The following GPATCH2 variants were observed in gnomAD, a reference collection of about 807,000 sequenced individuals.
GPATCH2 encodes G-patch domain containing 2.
In GPATCH2, 51 loss-of-function variants were observed where a neutral mutation model predicts 58.0. That is an observed-to-expected ratio of 0.88 (90% CI 0.70 to 1.11). GPATCH2 has a LOEUF of 1.11. Ranked by LOEUF, GPATCH2 falls within the 50% of genes most tolerant of loss-of-function variation. GPATCH2 has a pLI of 0.00. For missense variants in GPATCH2, 625 were observed against 652.2 expected (o/e 0.96, Z 0.45); for synonymous variants, 222 against 218.5 (o/e 1.02, Z -0.14).
At chr1:217,526,364 T>C (rs549106561) in intron 5 of GPATCH2, among the ~76,000 whole-genome samples, 181 of 152,256 alleles carry the variant, frequency 1.2e-3, no homozygotes, top group African/African-American at 4.1e-3. Flanking sequence ...GACCTTACTA[T>C]ACCATTAATT....
intron 8 of GPATCH2, among the ~76,000 whole-genome samples, chr1:217,488,938 A>C (rs1422000592): frequency 4.0e-5 from 6 of 151,586 alleles, no homozygotes; most frequent in Non-Finnish European, 7.4e-5. Context: ...AAGTAATCTC[A>C]AAGTGCTGTG....
At position 217,568,330 on chromosome 1, in the gene GPATCH2, C is replaced by T. The variant is rs557690937; in HGVS notation, c.1098+41991G>A. On this transcript the variant is annotated intron_variant, in intron 5 of 9. Coordinates refer to ENST00000366935, the MANE Select transcript of GPATCH2 (RefSeq NM_018040.5). ...TGCATGCATTCCCTCAAACACTGAC[C>T]GAGTACTATGTGTCAGGCACAGTGT... Among the ~76,000 whole-genome samples the T allele has an allele frequency of 2.6e-5, 4 of 152,064 alleles. No homozygotes were observed. The South Asian group carries it at 8.3e-4, about 32-fold the overall frequency.
At chr1:217,506,585 G>C (rs1318830523) in intron 6 of GPATCH2, among the ~76,000 whole-genome samples, 1 of 152,136 alleles carries the variant, frequency 6.6e-6, no homozygotes, top group Admixed American at 6.5e-5. Context: ...TGTAGAAATT[G>C]ACAGGGAGTT....
chr1:217,444,616 A>G (rs1288167140), intron 9 of GPATCH2, among the ~76,000 whole-genome samples: 1 of 152,340 alleles, frequency 6.6e-6, no homozygotes. Flanking sequence ...AGATTCTACT[A>G]AAACACAACC....
chr1:217,433,361 C>CACATATATATATATATATAT (rs1491151192), intron 9 of GPATCH2, among the ~76,000 whole-genome samples: 2 of 118,582 alleles, frequency 1.7e-5, no homozygotes, highest in Non-Finnish European at 3.5e-5. Flanking sequence ...TTAAGCTGTT[C>CACATATATATATATATATAT]ATATATATAT....
At chr1:217,468,068 A>G (rs1299730509) in intron 8 of GPATCH2, among the ~76,000 whole-genome samples, 2 of 152,102 alleles carry the variant, frequency 1.3e-5, no homozygotes, top group Non-Finnish European at 2.9e-5. Context: ...GAAAACTGGC[A>G]TATAATAAGG....
rs538082405 is a variant in GPATCH2 at position 217,607,737 on chromosome 1, T to C, written c.1098+2584A>G. On this transcript the variant is annotated intron_variant, in intron 5 of 9. Transcript: ENST00000366935. ...TCAGCAAGTGTATAGAATACAGTTATGGCAAATAGTCAGAATCAACTATAA... is the reference window on the plus strand; with the variant it reads ...TCAGCAAGTGTATAGAATACAGTTACGGCAAATAGTCAGAATCAACTATAA... Among the ~76,000 whole-genome samples the C allele has an allele frequency of 9.8e-5, 15 of 152,342 alleles. No individual in the cohort carries two copies. The East Asian group carries it at 1.9e-3, about 20-fold the overall frequency.
At chr1:217,587,862 T>G (rs143919369) in intron 5 of GPATCH2, among the ~76,000 whole-genome samples, 1 of 152,168 alleles carries the variant, frequency 6.6e-6, no homozygotes, top group African/African-American at 2.4e-5. Flanking sequence ...ATAGGTATTA[T>G]GAAAGACTCA....
rs1337389690 is a variant in GPATCH2 at position 217,610,983 on chromosome 1, T to C, written c.924A>G (p.Glu308=). Residue 308 remains glutamate, a synonymous_variant, in exon 4 of 10, where the codon GAA becomes GAG. Coordinates refer to ENST00000366935, the MANE Select transcript of GPATCH2 (RefSeq NM_018040.5). ...ITGVVPWWEK[E]DPTELDKNVP... is the part of the protein sequence containing the mutation. ...CATTTTTGTCTAGCTCAGTAGGATC[T>C]TCCTTTTCCCACCAGGGCACAACTC... The C allele has an allele frequency of 3.1e-6, 5 of 1,613,300 alleles. No individual in the cohort carries two copies. The highest frequency in any genetic ancestry group is 3.3e-5 in the Admixed American group (2 of 59,920).
chr1:217,482,239 C>T (rs905972300), intron 8 of GPATCH2, among the ~76,000 whole-genome samples: 3 of 151,998 alleles, frequency 2.0e-5, no homozygotes, highest in African/African-American at 4.8e-5. Context: ...TGCCTAATAG[C>T]GCCAGGCACT....
chr1:217,560,100 C>T (rs545943937), intron 5 of GPATCH2, among the ~76,000 whole-genome samples: 6 of 152,346 alleles, frequency 3.9e-5, no homozygotes, highest in Non-Finnish European at 1.5e-5. Context: ...GCCTTGGCCT[C>T]CCAAAGTGTT....
At chr1:217,514,800 T>A in intron 6 of GPATCH2, 22 bp downstream of exon 6, 1 of 1,149,104 alleles carries the variant, frequency 8.7e-7, no homozygotes, top group Non-Finnish European at 1.3e-6. Context: ...AATAAGGTTA[T>A]ATAAACACAC....
chr1:217,548,016 T>C (rs543152271), intron 5 of GPATCH2, among the ~76,000 whole-genome samples: 1 of 152,324 alleles, frequency 6.6e-6, no homozygotes, highest in Non-Finnish European at 1.5e-5. Flanking sequence ...CCATGATAGT[T>C]AAGTTTCCTG....
intron 8 of GPATCH2, among the ~76,000 whole-genome samples, chr1:217,470,726 C>T (rs1660688314): frequency 6.6e-6 from 1 of 151,970 alleles, no homozygotes; most frequent in Non-Finnish European, 1.5e-5. Context: ...TTAATTAAAT[C>T]CCTTAAAAAC....
intron 5 of GPATCH2, among the ~76,000 whole-genome samples, chr1:217,522,831 T>TAC (rs140850986): frequency 0.029 from 4,275 of 149,298 alleles, 159 homozygotes; most frequent in African/African-American, 0.063. Context: ...ACTTGTTCAA[T>TAC]ACACACACAC....
chr1:217,472,503 T>A (rs576848482), intron 8 of GPATCH2, among the ~76,000 whole-genome samples: 10 of 152,092 alleles, frequency 6.6e-5, no homozygotes, highest in African/African-American at 2.4e-4. Flanking sequence ...GGGGTTTCAC[T>A]GTGTTAGCCA....
intron 5 of GPATCH2, among the ~76,000 whole-genome samples, chr1:217,563,896 T>C (rs1235641153): frequency 6.6e-6 from 1 of 151,710 alleles, no homozygotes; most frequent in Non-Finnish European, 1.5e-5. Context: ...AATACAAAAT[T>C]AGCCAGGCGT....
intron 8 of GPATCH2, among the ~76,000 whole-genome samples, chr1:217,485,288 G>T (rs1661405668): frequency 6.6e-6 from 1 of 152,142 alleles, no homozygotes; most frequent in South Asian, 2.1e-4. Context: ...CTGCATAAGA[G>T]AGATCTTTAC....
In GPATCH2 at chr1:217,616,978, G is replaced by A. The variant is rs968787440; in HGVS notation, c.774-2776C>T. ...ACTTAGTTCTCTCTGCTATCATATCGTAATTCACTTCCCACTTAAGCATGG... is the reference window on the plus strand; with the variant it reads ...ACTTAGTTCTCTCTGCTATCATATCATAATTCACTTCCCACTTAAGCATGG... On this transcript the variant is annotated intron_variant, in intron 2 of 9. Transcript: ENST00000366935. Among the ~76,000 whole-genome samples the A allele has an allele frequency of 3.3e-4, 50 of 151,778 alleles. 1 individual carries two copies. The highest frequency in any genetic ancestry group is 1.0e-3 in the African/African-American group (42 of 41,350).
Sources: allele counts gnomAD v4.1 joint callset (sites outside exome capture counted in the v4.1 genomes callset), GRCh38; gene constraint gnomAD v4.1.1; transcripts MANE v1.5; gene names NCBI Gene and HGNC (gene_info 2026-07-23, HGNC 2026-07-21).